PCDHA2: variants seen among roughly 807,000 people sequenced by gnomAD.
PCDHA2 encodes protocadherin alpha-2.
A neutral mutation model predicts 66.0 loss-of-function variants in PCDHA2; 58 were observed. That is an observed-to-expected ratio of 0.88 (90% CI 0.71 to 1.09). PCDHA2 has a LOEUF of 1.09. PCDHA2 is among the 50% of genes least tolerant of loss of function. The probability of loss-of-function intolerance (pLI) is 0.00; values close to 1 mark genes in which losing one functional copy is unlikely to be tolerated. For synonymous variants in PCDHA2, 634 were observed against 554.0 expected, an observed-to-expected ratio of 1.14 and a Z score of -2.03; for missense variants, 1,267 against 1,242.3, an observed-to-expected ratio of 1.02 and a Z score of -0.30.
At chr5:140,824,529 G>A (rs1463517451) in intron 1 of PCDHA2, 2 of 197,184 alleles carry the variant, frequency 1.0e-5, no homozygotes, top group South Asian at 1.2e-4. Flanking sequence ...ATAGCTCACC[G>A]AAGCCTGAAA....
chr5:140,906,963 G>A (rs150934602), intron 1 of PCDHA2, among the ~76,000 whole-genome samples: 2 of 152,098 alleles, frequency 1.3e-5, no homozygotes, highest in South Asian at 2.1e-4. Flanking sequence ...TAATGGAATC[G>A]TGGTTGTGTC....
chr5:140,973,719 C>T (rs1184460895), intron 1 of PCDHA2, among the ~76,000 whole-genome samples: 8 of 152,228 alleles, frequency 5.3e-5, no homozygotes, highest in African/African-American at 1.7e-4. Flanking sequence ...TGAGCCATCA[C>T]ATGGGCATCT....
intron 1 of PCDHA2, among the ~76,000 whole-genome samples, chr5:140,914,220 C>T (rs1210445622): frequency 6.6e-6 from 1 of 152,212 alleles, no homozygotes; most frequent in South Asian, 2.1e-4. Flanking sequence ...TCTCTTTTAG[C>T]TCTAATACTA....
intron 1 of PCDHA2, chr5:140,841,904 G>A (rs2150325203): frequency 1.9e-6 from 3 of 1,613,860 alleles, no homozygotes; most frequent in Non-Finnish European, 2.5e-6. Flanking sequence ...GGTTGAGCTC[G>A]TATTAAGAAA....
chr5:140,870,344 G>A (rs782661960), intron 1 of PCDHA2: 1 of 1,614,196 alleles, frequency 6.2e-7, no homozygotes, highest in Admixed American at 1.7e-5. Flanking sequence ...GCCCTGGACC[G>A]CGAGAACGTG....
At chr5:140,918,977 AG>A (rs1226723076) in intron 1 of PCDHA2, among the ~76,000 whole-genome samples, 6 of 152,192 alleles carry the variant, frequency 3.9e-5, no homozygotes, top group African/African-American at 1.4e-4. Context: ...CGTTTAGGTT[AG>A]TTGGTTTTTA....
intron 1 of PCDHA2, among the ~76,000 whole-genome samples, chr5:140,844,762 T>C (rs1779533544): frequency 6.7e-6 from 1 of 149,418 alleles, no homozygotes; most frequent in Non-Finnish European, 1.5e-5. Context: ...CTTTGAAAAA[T>C]CCAAGATACT....
chr5:140,928,168 A>T, intron 1 of PCDHA2: 3 of 1,614,174 alleles, frequency 1.9e-6, no homozygotes, highest in Non-Finnish European at 2.5e-6. Flanking sequence ...ACCCCCACTT[A>T]GCACCCGAAG....
rs573295166 is a variant in PCDHA2, at chr5:140,801,593, T to A, written c.2388+4241T>A. 1.1e-5 allele frequency: 18 copies of A among 1,614,134 alleles called. No homozygotes were observed. The East Asian group carries it at 4.0e-4, about 36-fold the overall frequency. ...AGGACATTAATGACAACGCGCCAGT[T>A]TTTCCAATGGCTGTAAAGAATCTGT... is the stretch of plus-strand genomic sequence containing the variant. On this transcript the variant is annotated intron_variant, in intron 1 of 3. Transcript: ENST00000526136.
At chr5:140,920,084 T>C (rs2079442648) in intron 1 of PCDHA2, among the ~76,000 whole-genome samples, 1 of 152,196 alleles carries the variant, frequency 6.6e-6, no homozygotes, top group Non-Finnish European at 1.5e-5. Context: ...AGATTCTCCG[T>C]AGAGCCTCTA....
intron 1 of PCDHA2, among the ~76,000 whole-genome samples, chr5:140,897,713 A>C (rs2066278692): frequency 1.3e-5 from 2 of 152,302 alleles, no homozygotes; most frequent in East Asian, 3.9e-4. Flanking sequence ...CAGTAATGGG[A>C]TGGCTGGGTC....
chr5:140,824,632 TA>T lies in PCDHA2; in HGVS notation c.2388+27281del, dbSNP rs1368126931. 1,053 of 118,568 alleles carry T rather than the reference TA, an allele frequency of 8.9e-3. 203 individuals carry two copies. The highest frequency in any genetic ancestry group is 0.034 in the African/African-American group (833 of 24,828). 7.3% of individuals were successfully genotyped at this position (118,568 alleles called of 1,614,324 possible). A position where few individuals can be genotyped will look rare whatever the true frequency, so the allele number is the denominator to read the frequency against. ...AAAGTTTTTTTTTTTTTTTTTTTTT[TA>T]TTTTCTGTAGAGATAGGGGTCTTGC... On this transcript the variant is annotated intron_variant, in intron 1 of 3. Transcript: ENST00000526136.
chr5:140,818,173 A>G (rs1766295678), intron 1 of PCDHA2, among the ~76,000 whole-genome samples: 1 of 152,154 alleles, frequency 6.6e-6, no homozygotes, highest in Non-Finnish European at 1.5e-5. Context: ...ATTTTCTCTT[A>G]TATTCTTCTG....
rs1554119440 is a variant in PCDHA2, at chr5:140,795,444, A to G, written c.480A>G (p.Ala160=). ...TTCCTCTAGAGGGAGCATCTGATGC[A>G]GATATAGGAGTAAATGCTCTTCTCT... ...SRFPLEGASD[A]DIGVNALLSY... Residue 160 remains alanine (A), a synonymous_variant, in exon 1 of 4, where the codon GCA becomes GCG. Coordinates refer to ENST00000526136, the MANE Select transcript of PCDHA2 (RefSeq NM_018905.3). The G allele has an allele frequency of 6.2e-7, 1 of 1,614,206 alleles. No homozygotes were observed.
At chr5:140,964,998 G>C (rs2095868277) in intron 1 of PCDHA2, among the ~76,000 whole-genome samples, 1 of 152,166 alleles carries the variant, frequency 6.6e-6, no homozygotes, top group Admixed American at 6.5e-5. Flanking sequence ...TTTGAATTCT[G>C]GGTGTCAGGA....
At position 140,795,985 on chromosome 5, in the gene PCDHA2, G is replaced by T. The variant is rs1554119635; in HGVS notation, c.1021G>T (p.Val341Leu). The T allele has an allele frequency of 6.2e-7, 1 of 1,614,088 alleles. No homozygotes were observed. Among genetic ancestry groups the T allele is most frequent in the Non-Finnish European group, 8.5e-7 (1 of 1,180,010 alleles). Residue 341 changes from valine (V) to leucine (L), a missense_variant, in exon 1 of 4, where the codon GTG becomes TTG. By Grantham distance (32) the Val-to-Leu change is conservative. Transcript: ENST00000526136. Reference sequence around the variant, plus strand: ...ACATTGTAAAATTTCATTAAAACTTGTGGACATCAATGATAACACACCAGA... The same window carrying T: ...ACATTGTAAAATTTCATTAAAACTTTTGGACATCAATGATAACACACCAGA... ...SGHCKISLKL[V>L]DINDNTPEVS...
chr5:140,848,233 T>A lies in PCDHA2; in HGVS notation c.2388+50881T>A. 2 of 410,950 alleles carry A rather than the reference T, an allele frequency of 4.9e-6. 1 individual carries two copies. The allele number at this position is 410,950 out of a possible 1,614,324, so 25.5% of individuals were successfully genotyped here. A position where few individuals can be genotyped will look rare whatever the true frequency, so the allele number is the denominator to read the frequency against. Reference sequence around the variant, plus strand: ...TTAAGAAAAAATTAAGAAAATGAAATAAGTTTTGCAGAATAACTGTGAAAT... The same window carrying A: ...TTAAGAAAAAATTAAGAAAATGAAAAAAGTTTTGCAGAATAACTGTGAAAT... On this transcript the variant is annotated intron_variant, in intron 1 of 3. Transcript: ENST00000526136.
chr5:140,931,111 G>A (rs1584701423), intron 1 of PCDHA2, among the ~76,000 whole-genome samples: 2 of 152,116 alleles, frequency 1.3e-5, no homozygotes, highest in East Asian at 3.8e-4. Flanking sequence ...TAATAGGTAT[G>A]CACATCATTA....
intron 1 of PCDHA2, among the ~76,000 whole-genome samples, chr5:140,896,879 G>A (rs1323456222): frequency 6.6e-6 from 1 of 151,976 alleles, no homozygotes; most frequent in Non-Finnish European, 1.5e-5. Context: ...TATTTATGGG[G>A]TATATGAGAC....
Sources: allele counts gnomAD v4.1 joint callset (sites outside exome capture counted in the v4.1 genomes callset), GRCh38; gene constraint gnomAD v4.1.1; transcripts MANE v1.5; gene names NCBI Gene and HGNC (gene_info 2026-07-23, HGNC 2026-07-21).